Variants in TENM4 observed in about 807,000 individuals in gnomAD.
TENM4 encodes teneurin-4.
A neutral mutation model predicts 243.3 loss-of-function variants in TENM4; 82 were observed. That is an observed-to-expected ratio of 0.34 (90% confidence interval 0.28 to 0.40). The LOEUF (loss-of-function observed/expected upper bound fraction) is 0.40, where lower values mean the gene tolerates loss of function less well. Ranked by LOEUF, TENM4 falls within the 10% of genes least tolerant of loss-of-function variation. TENM4 has a pLI of 1.00. For missense variants in TENM4, 3,138 were observed against 3,673.3 expected (o/e 0.85, Z 3.77); for synonymous variants, 1,412 against 1,456.3 (o/e 0.97, Z 0.69).
intron 9 of TENM4, among the ~76,000 whole-genome samples, chr11:78,868,138 G>A (rs973853708): frequency 3.3e-5 from 5 of 150,484 alleles, no homozygotes; most frequent in South Asian, 2.1e-4. Flanking sequence ...AGGATAGACT[G>A]GGCCACTGAA....
intron 1 of TENM4, among the ~76,000 whole-genome samples, chr11:79,406,312 C>T (rs1224000123): frequency 6.6e-6 from 1 of 152,128 alleles, no homozygotes. Context: ...AAATGTATCT[C>T]ATTATCTTAA....
At chr11:78,765,790 C>A (rs528718389) in intron 18 of TENM4, among the ~76,000 whole-genome samples, 2 of 152,180 alleles carry the variant, frequency 1.3e-5, no homozygotes, top group Non-Finnish European at 2.9e-5. Flanking sequence ...GTACGCAGAG[C>A]GTCTAGCACA....
intron 1 of TENM4, among the ~76,000 whole-genome samples, chr11:79,302,039 T>C (rs1157230055): frequency 1.3e-5 from 2 of 152,246 alleles, no homozygotes; most frequent in Admixed American, 6.5e-5. Context: ...TGGTCTCTCC[T>C]GTCTACCACT....
At chr11:78,810,853 A>G (rs959506985) in intron 14 of TENM4, among the ~76,000 whole-genome samples, 1 of 152,156 alleles carries the variant, frequency 6.6e-6, no homozygotes, top group African/African-American at 2.4e-5. Context: ...AGCCTCTTCC[A>G]CCCACTGGGG....
rs570408604 is a variant in TENM4, at chr11:79,354,408, C to G, written c.-320-56865G>C. ...TGCATTTTATTTCATTTCTTTGATT[C>G]TCATAAGGACTTGGTGCCATTTAAC... On this transcript the variant is annotated intron_variant, in intron 1 of 33. Transcript: ENST00000278550. Among the ~76,000 whole-genome samples, 5 of 152,238 alleles carry G rather than the reference C, an allele frequency of 3.3e-5. No homozygotes were observed. In the South Asian group the frequency reaches 8.3e-4, roughly 25 times the overall value.
intron 6 of TENM4, among the ~76,000 whole-genome samples, chr11:78,939,354 G>A (rs1322747305): frequency 6.6e-6 from 1 of 152,222 alleles, no homozygotes; most frequent in East Asian, 1.9e-4. Flanking sequence ...TTTACAGCGT[G>A]ATCTTCTATG....
chr11:78,948,908 A>AT (rs1314985317), intron 6 of TENM4, among the ~76,000 whole-genome samples: 6 of 152,140 alleles, frequency 3.9e-5, no homozygotes, highest in African/African-American at 1.4e-4. Flanking sequence ...TTCAGGTTAC[A>AT]TGTTTTTGGC....
At chr11:79,174,733 G>A (rs1863123854) in intron 3 of TENM4, among the ~76,000 whole-genome samples, 2 of 152,278 alleles carry the variant, frequency 1.3e-5, no homozygotes, top group African/African-American at 4.8e-5. Context: ...AGGAAGGCAC[G>A]ACTCCTTTGG....
chr11:79,338,345 A>C (rs1373601801), intron 1 of TENM4, among the ~76,000 whole-genome samples: 1 of 152,190 alleles, frequency 6.6e-6, no homozygotes, highest in Non-Finnish European at 1.5e-5. Flanking sequence ...TGTTTCTGAA[A>C]AGCAGCTGCT....
intron 12 of TENM4, among the ~76,000 whole-genome samples, chr11:78,832,630 C>A (rs1858009079): frequency 2.0e-5 from 3 of 152,214 alleles, no homozygotes; most frequent in Non-Finnish European, 4.4e-5. Context: ...CTATTGCACA[C>A]TTAGTGGGGA....
rs147912040 is a variant in TENM4, at chr11:79,144,367, T to A, written c.-66+4343A>T. 8.4e-3 allele frequency among the ~76,000 whole-genome samples: 1,276 copies of A among 152,154 alleles called. 16 individuals carry two copies. Among genetic ancestry groups the A allele is most frequent in the African/African-American group, 0.03 (1,237 of 41,532 alleles). Reference sequence around the variant, plus strand: ...AGTACAACCGCTATGGAGAACAGTTTGGAGGTTCCTCAAAAAACTAAAAAT... The same window carrying A: ...AGTACAACCGCTATGGAGAACAGTTAGGAGGTTCCTCAAAAAACTAAAAAT... On this transcript the variant is annotated intron_variant, in intron 4 of 33. Coordinates refer to ENST00000278550, the MANE Select transcript of TENM4 (RefSeq NM_001098816.3).
chr11:78,955,579 T>A (rs987835584), intron 6 of TENM4, among the ~76,000 whole-genome samples: 1 of 152,198 alleles, frequency 6.6e-6, no homozygotes, highest in African/African-American at 2.4e-5. Context: ...TGGAAAAGTG[T>A]TATTTTTGTA....
chr11:79,344,661 C>T (rs919117410), intron 1 of TENM4, among the ~76,000 whole-genome samples: 1 of 152,248 alleles, frequency 6.6e-6, no homozygotes, highest in Non-Finnish European at 1.5e-5. Flanking sequence ...TCTTCCATCT[C>T]ATGCTGGGCC....
chr11:79,141,255 T>G (rs1862279778), intron 4 of TENM4, among the ~76,000 whole-genome samples: 1 of 151,984 alleles, frequency 6.6e-6, no homozygotes, highest in African/African-American at 2.4e-5. Context: ...GAAATACATT[T>G]GAAGACTAAG....
chr11:79,085,394 G>GT (rs1555005378), intron 4 of TENM4, among the ~76,000 whole-genome samples: 3,192 of 79,884 alleles, frequency 0.04, 100 homozygotes, highest in African/African-American at 0.12. Flanking sequence ...AAAAAGGGGG[G>GT]TTTTTTTTTT....
intron 6 of TENM4, among the ~76,000 whole-genome samples, chr11:78,942,259 C>CAAAAAAAAAAAAAAAAAAAAAAAA (rs56973257): frequency 8.9e-5 from 1 of 11,194 alleles, no homozygotes; most frequent in Non-Finnish European, 1.7e-4. Flanking sequence ...CAAAATACAC[C>CAAAAAAAAAAAAAAAAAAAAAAAA]AAAAAAAAAA....
At chr11:79,169,946 G>A (rs532129298) in intron 3 of TENM4, among the ~76,000 whole-genome samples, 1 of 152,318 alleles carries the variant, frequency 6.6e-6, no homozygotes, top group South Asian at 2.1e-4. Context: ...AAAAATGTTA[G>A]TTTGTTCCCT....
chr11:79,317,190 G>A (rs11602583), intron 1 of TENM4, among the ~76,000 whole-genome samples: 41,417 of 152,104 alleles, frequency 0.27, 5,951 homozygotes, highest in African/African-American at 0.34. Context: ...TGAGACAAAA[G>A]GTTTGTTAAC....
intron 2 of TENM4, among the ~76,000 whole-genome samples, chr11:79,273,175 A>G (rs1855998117): frequency 6.6e-6 from 1 of 152,204 alleles, no homozygotes; most frequent in African/African-American, 2.4e-5. Flanking sequence ...GGGGCTATCA[A>G]TCTGCCATGC....
Sources: gnomAD v4.1 joint callset for allele counts (sites outside exome capture counted in the v4.1 genomes callset) on GRCh38, gnomAD v4.1.1 for gene constraint, MANE v1.5 for transcripts, NCBI Gene and HGNC (gene_info 2026-07-23, HGNC 2026-07-21) for gene names.